Variants in DLG2 observed in about 807,000 individuals in gnomAD.
DLG2 encodes the protein disks large homolog 2.
Under a neutral mutation model 132.5 loss-of-function variants are expected in DLG2, and 45 were observed. That is an observed-to-expected ratio of 0.34 (90% CI 0.27 to 0.44). The LOEUF (loss-of-function observed/expected upper bound fraction) is 0.44, where lower values mean the gene tolerates loss of function less well. DLG2 is among the 20% of genes least tolerant of loss of function. DLG2 has a pLI of 1.00. For missense variants in DLG2, 1,045 were observed against 1,196.9 expected, an observed-to-expected ratio of 0.87 and a Z score of 1.87; for synonymous variants, 424 against 419.6, an observed-to-expected ratio of 1.01 and a Z score of -0.13.
At chr11:84,564,324 C>A (rs1380535210) in intron 6 of DLG2, among the ~76,000 whole-genome samples, 2 of 152,144 alleles carry the variant, frequency 1.3e-5, no homozygotes, top group Non-Finnish European at 1.5e-5. Context: ...CCTGTCAGCA[C>A]TGAACTGTGG....
chr11:85,077,253 G>GA (rs137902787), intron 6 of DLG2, among the ~76,000 whole-genome samples: 6 of 151,884 alleles, frequency 4.0e-5, no homozygotes, highest in Non-Finnish European at 5.9e-5. Flanking sequence ...TTAGAGTTTG[G>GA]AAAAAAAGAA....
intron 3 of DLG2, among the ~76,000 whole-genome samples, chr11:85,552,378 G>A (rs927266703): frequency 6.6e-6 from 1 of 151,442 alleles, no homozygotes; most frequent in Non-Finnish European, 1.5e-5. Context: ...ACAGACTTCT[G>A]CTGAAAATTA....
At chr11:85,438,645 C>G (rs969479761) in intron 3 of DLG2, among the ~76,000 whole-genome samples, 1 of 152,134 alleles carries the variant, frequency 6.6e-6, no homozygotes, top group Admixed American at 6.5e-5. Context: ...AATGATATCA[C>G]TCATATTTCC....
rs147167691 is a variant in DLG2 at position 83,585,930 on chromosome 11, G to T, written c.1941-44072C>A. ...GACAATGCCTGAAGAAAAAAGAGAA[G>T]AGATAGAAGAAATGAGAAAATGTCA... On this transcript the variant is annotated intron_variant, in intron 19 of 27. Transcript: ENST00000376104. Among the ~76,000 whole-genome samples, 137 of 152,270 alleles carry T rather than the reference G, an allele frequency of 9.0e-4. 1 individual carries two copies. In the South Asian group the frequency reaches 9.1e-3, roughly 10 times the overall value.
chr11:84,447,040 A>G (rs962064057), intron 7 of DLG2, among the ~76,000 whole-genome samples: 10 of 152,210 alleles, frequency 6.6e-5, no homozygotes, highest in African/African-American at 2.2e-4. Flanking sequence ...AACAACATGT[A>G]TAAGATTTAT....
In DLG2 at chr11:84,355,291, G is replaced by A. The variant is rs144950151; in HGVS notation, c.520-104000C>T. On this transcript the variant is annotated intron_variant, in intron 7 of 27. Coordinates refer to ENST00000376104, the MANE Select transcript of DLG2 (RefSeq NM_001142699.3). ...GGCAAAACGGACATCCGCTATTGCT[G>A]TAGATGTAATATTTGTATCCCTGCA... Among the ~76,000 whole-genome samples, 25 of 152,210 alleles carry A rather than the reference G, an allele frequency of 1.6e-4. 1 individual carries two copies. In the East Asian group the frequency reaches 4.8e-3, roughly 29 times the overall value.
intron 3 of DLG2, among the ~76,000 whole-genome samples, chr11:85,343,606 G>C (rs752557688): frequency 6.6e-6 from 1 of 151,976 alleles, no homozygotes; most frequent in Non-Finnish European, 1.5e-5. Flanking sequence ...GTTCACTTAT[G>C]TGTGCACACG....
chr11:85,120,138 T>C (rs2074126566), intron 5 of DLG2, among the ~76,000 whole-genome samples: 1 of 152,096 alleles, frequency 6.6e-6, no homozygotes, highest in Admixed American at 6.6e-5. Flanking sequence ...ACCTAAAATC[T>C]TGGCAAAACC....
chr11:85,030,354 A>T (rs2060903999), intron 6 of DLG2, among the ~76,000 whole-genome samples: 1 of 152,176 alleles, frequency 6.6e-6, no homozygotes, highest in South Asian at 2.1e-4. Flanking sequence ...AATTTCTTAG[A>T]GTATTACTTT....
intron 18 of DLG2, among the ~76,000 whole-genome samples, chr11:83,678,213 C>A (rs972368131): frequency 2.0e-5 from 3 of 152,150 alleles, no homozygotes; most frequent in Non-Finnish European, 4.4e-5. Flanking sequence ...CCACTTCCTT[C>A]TTCAAATGAT....
chr11:84,983,118 C>T (rs1203752089), intron 6 of DLG2, among the ~76,000 whole-genome samples: 9 of 152,120 alleles, frequency 5.9e-5, no homozygotes, highest in African/African-American at 1.4e-4. Context: ...ATACAGATCA[C>T]GGATGGACAG....
chr11:85,384,842 G>A (rs2086195838), intron 3 of DLG2, among the ~76,000 whole-genome samples: 1 of 152,168 alleles, frequency 6.6e-6, no homozygotes, highest in African/African-American at 2.4e-5. Context: ...AAAGTGCTGG[G>A]ATTACAGGCG....
intron 27 of DLG2, chr11:83,461,430 C>T (rs1004085151): frequency 6.6e-6 from 1 of 152,156 alleles, no homozygotes; most frequent in Non-Finnish European, 1.5e-5. Context: ...CAGAAGAAAA[C>T]CTCTATTCCC....
At chr11:84,051,479 A>G (rs1056094765) in intron 11 of DLG2, among the ~76,000 whole-genome samples, 1 of 151,918 alleles carries the variant, frequency 6.6e-6, no homozygotes, top group African/African-American at 2.4e-5. Flanking sequence ...TTGTAGGGAC[A>G]TGGATGAAGC....
intron 6 of DLG2, among the ~76,000 whole-genome samples, chr11:84,794,254 A>T (rs1484997949): frequency 2.0e-5 from 3 of 152,242 alleles, no homozygotes; most frequent in Admixed American, 6.5e-5. Flanking sequence ...TGCACATTTT[A>T]AAATGATTAA....
At chr11:85,208,452 A>C (rs2082043467) in intron 4 of DLG2, among the ~76,000 whole-genome samples, 1 of 150,026 alleles carries the variant, frequency 6.7e-6, no homozygotes, top group Non-Finnish European at 1.5e-5. Context: ...AGAAAAAAAA[A>C]ACAATTTCAA....
chr11:85,249,515 G>C (rs111777127), intron 4 of DLG2, among the ~76,000 whole-genome samples: 5 of 152,024 alleles, frequency 3.3e-5, no homozygotes, highest in African/African-American at 9.7e-5. Flanking sequence ...TGTTCTATGA[G>C]AATTGTATGT....
At chr11:83,936,945 T>C (rs1230716691) in intron 14 of DLG2, among the ~76,000 whole-genome samples, 1 of 152,320 alleles carries the variant, frequency 6.6e-6, no homozygotes, top group African/African-American at 2.4e-5. Context: ...GTCAATATTA[T>C]GGCCAGATCA....
At chr11:84,654,204 TTGAAG>T (rs1347231830) in intron 6 of DLG2, among the ~76,000 whole-genome samples, 1 of 152,150 alleles carries the variant, frequency 6.6e-6, no homozygotes, top group Non-Finnish European at 1.5e-5. Context: ...CATATCCTCC[TTGAAG>T]TGAAGATTTT....
Sources: allele counts gnomAD v4.1 joint callset (sites outside exome capture counted in the v4.1 genomes callset), GRCh38; gene constraint gnomAD v4.1.1; transcripts MANE v1.5; gene names NCBI Gene and HGNC (gene_info 2026-07-23, HGNC 2026-07-21).